Variants in SGCD observed in about 807,000 individuals in gnomAD.
SGCD encodes the protein sarcoglycan delta, also known as delta-sarcoglycan.
Under a neutral mutation model 36.6 loss-of-function variants are expected in SGCD, and 18 were observed. The observed-to-expected ratio is 0.49, with a 90% CI of 0.34 to 0.73. The LOEUF is 0.73. Ranked by LOEUF, SGCD falls within the 30% of genes least tolerant of loss-of-function variation. The pLI, the probability that SGCD is intolerant of heterozygous loss-of-function variation, is 0.01. For missense variants in SGCD, 387 were observed against 346.7 expected, an observed-to-expected ratio of 1.12 and a Z score of -0.92; for synonymous variants, 133 against 130.6, an observed-to-expected ratio of 1.02 and a Z score of -0.12.
chr5:156,282,022 C>T (rs528113386), intron 3 of SGCD, among the ~76,000 whole-genome samples: 1 of 151,228 alleles, frequency 6.6e-6, no homozygotes, highest in South Asian at 2.1e-4. Flanking sequence ...CAGAGCGAGA[C>T]TCCATATCCA....
chr5:156,452,882 G>A (rs1403811068), intron 3 of SGCD, among the ~76,000 whole-genome samples: 1 of 152,112 alleles, frequency 6.6e-6, no homozygotes, highest in Non-Finnish European at 1.5e-5. Context: ...ATAAAGAAAA[G>A]ACCCTAATTA....
rs116710073 is a variant in SGCD at position 156,757,087 on chromosome 5, A to G, written c.576-494A>G. On this transcript the variant is annotated intron_variant, in intron 7 of 8. Transcript: ENST00000337851. ...AGAGGAGGTAAAGAAAGACTTACCC[A>G]TGGTCATTTAGTGGCCACCCCATGG... 1.5e-3 allele frequency among the ~76,000 whole-genome samples: 231 copies of G among 152,102 alleles called. 1 individual carries two copies. Among genetic ancestry groups the G allele is most frequent in the Middle Eastern group, 3.4e-3 (1 of 294 alleles).
chr5:156,159,593 T>A (rs1419869591), intron 3 of SGCD, among the ~76,000 whole-genome samples: 2 of 151,674 alleles, frequency 1.3e-5, no homozygotes, highest in African/African-American at 4.9e-5. Flanking sequence ...ATACTGTTTA[T>A]GAAACATTTA....
the SGCD span, among the ~76,000 whole-genome samples, chr5:155,806,044 A>G: frequency 6.6e-6 from 1 of 152,222 alleles, no homozygotes; most frequent in African/African-American, 2.4e-5. Context: ...AGGTCCTTCC[A>G]CTGATGTCTT....
At chr5:156,059,304 A>C (rs1462155046) in intron 1 of SGCD, among the ~76,000 whole-genome samples, 1 of 144,698 alleles carries the variant, frequency 6.9e-6, no homozygotes, top group Non-Finnish European at 1.6e-5. Context: ...AGGCGGGTTT[A>C]TTTAGCTTCT....
chr5:155,970,336 C>T (rs1258075587), intron 1 of SGCD, among the ~76,000 whole-genome samples: 1 of 152,100 alleles, frequency 6.6e-6, no homozygotes, highest in African/African-American at 2.4e-5. Flanking sequence ...TCTCTGACAA[C>T]AACTTTCGTT....
At chr5:156,124,259 G>A (rs1426043876) in intron 3 of SGCD, among the ~76,000 whole-genome samples, 1 of 152,144 alleles carries the variant, frequency 6.6e-6, no homozygotes, top group Non-Finnish European at 1.5e-5. Flanking sequence ...TAAAGAGGTG[G>A]TCAGAGGGCA....
chr5:156,745,025 G>A (rs777119984), intron 7 of SGCD, among the ~76,000 whole-genome samples: 1 of 152,100 alleles, frequency 6.6e-6, no homozygotes, highest in East Asian at 1.9e-4. Context: ...CCCCTTTAAC[G>A]TTATAGATTT....
chr5:155,960,103 GA>G (rs1757761090), intron 1 of SGCD, among the ~76,000 whole-genome samples: 1 of 152,026 alleles, frequency 6.6e-6, no homozygotes, highest in African/African-American at 2.4e-5. Flanking sequence ...CAAAAGACAT[GA>G]CTTTGTCTTC....
intron 1 of SGCD, among the ~76,000 whole-genome samples, chr5:156,082,979 A>AT (rs1450900685): frequency 1.3e-5 from 2 of 151,716 alleles, no homozygotes; most frequent in African/African-American, 4.8e-5. Context: ...ATGTAGTGGT[A>AT]TCTCATTGTA....
chr5:156,344,826 A>G lies in SGCD; in HGVS notation c.192+149A>G, dbSNP rs180977981. The G allele has an allele frequency of 5.7e-5, 34 of 594,412 alleles. 1 individual carries two copies. The East Asian group carries it at 7.6e-4, about 13-fold the overall frequency. The allele number at this position is 594,412 out of a possible 1,614,324, so 36.8% of individuals were successfully genotyped here. A position where few individuals can be genotyped will look rare whatever the true frequency, so the allele number is the denominator to read the frequency against. Reference sequence around the variant, plus strand: ...TTTTGGTGAAAGAGCATTTCTGTTCAGATTGAATATGGATATTGACTTCTA... The same window carrying G: ...TTTTGGTGAAAGAGCATTTCTGTTCGGATTGAATATGGATATTGACTTCTA... On this transcript the variant is annotated intron_variant, in intron 3 of 8. Coordinates refer to ENST00000337851, the MANE Select transcript of SGCD (RefSeq NM_000337.6).
chr5:156,195,793 T>C (rs150180784), intron 3 of SGCD, among the ~76,000 whole-genome samples: 2 of 152,336 alleles, frequency 1.3e-5, no homozygotes, highest in Non-Finnish European at 2.9e-5. Flanking sequence ...AACTGAAAGA[T>C]GGCAGGCTAG....
intron 3 of SGCD, among the ~76,000 whole-genome samples, chr5:156,176,301 G>A (rs6885373): frequency 0.31 from 46,950 of 151,922 alleles, 7,620 homozygotes; most frequent in East Asian, 0.57. Flanking sequence ...AATTCTAAGG[G>A]CAAGGTGCCT....
At chr5:156,011,371 T>C (rs1169036296) in intron 1 of SGCD, among the ~76,000 whole-genome samples, 2 of 152,148 alleles carry the variant, frequency 1.3e-5, no homozygotes, top group Admixed American at 6.5e-5. Flanking sequence ...GGTTATAACA[T>C]GAGAGATATA....
At chr5:155,748,520 C>T in the SGCD span, among the ~76,000 whole-genome samples, 6 of 152,092 alleles carry the variant, frequency 3.9e-5, no homozygotes. Flanking sequence ...AATTGCTGAG[C>T]CCCACTCCTA....
intron 3 of SGCD, among the ~76,000 whole-genome samples, chr5:156,252,865 C>G (rs1765618566): frequency 6.6e-6 from 1 of 152,104 alleles, no homozygotes; most frequent in South Asian, 2.1e-4. Context: ...TGCTGGATGG[C>G]CTTGCAAGTC....
chr5:156,224,767 AT>A (rs1446548166), intron 3 of SGCD, among the ~76,000 whole-genome samples: 1 of 152,160 alleles, frequency 6.6e-6, no homozygotes, highest in African/African-American at 2.4e-5. Context: ...AAAAGGCCAC[AT>A]GCCTTTGTCT....
chr5:156,614,561 C>CGGA (rs1561816122), intron 6 of SGCD, among the ~76,000 whole-genome samples: 1 of 152,176 alleles, frequency 6.6e-6, no homozygotes, highest in Admixed American at 6.5e-5. Context: ...TTTACTAAGT[C>CGGA]TTCTTTCACC....
At chr5:156,106,109 C>CAAAAAAAAAAAAAAAAAA (rs1159337817) in intron 1 of SGCD, among the ~76,000 whole-genome samples, 1 of 34,912 alleles carries the variant, frequency 2.9e-5, no homozygotes. Context: ...GACTCTGCCT[C>CAAAAAAAAAAAAAAAAAA]AAAAAAAAAA....
Sources: gnomAD v4.1 joint callset for allele counts (sites outside exome capture counted in the v4.1 genomes callset) on GRCh38, gnomAD v4.1.1 for gene constraint, MANE v1.5 for transcripts, NCBI Gene and HGNC (gene_info 2026-07-23, HGNC 2026-07-21) for gene names.